The following POU2F1 variants were observed in gnomAD, a reference collection of about 807,000 sequenced individuals.
POU2F1 encodes the protein POU class 2 homeobox 1.
Under a neutral mutation model 84.9 loss-of-function variants are expected in POU2F1, and 16 were observed. The observed-to-expected ratio is 0.19, with a 90% confidence interval of 0.13 to 0.29. POU2F1 has a LOEUF of 0.29. Among genes scored for constraint, POU2F1 ranks in the 10% least tolerant of loss-of-function variants. The pLI is 1.00. For synonymous variants in POU2F1, 368 were observed against 368.3 expected (o/e 1.00, Z 0.01); for missense variants, 738 against 942.6 (o/e 0.78, Z 2.84).
At chr1:167,345,600 G>A (rs984808959) in intron 2 of POU2F1, among the ~76,000 whole-genome samples, 6 of 152,276 alleles carry the variant, frequency 3.9e-5, no homozygotes, top group Non-Finnish European at 7.4e-5. Context: ...AGCTGCTACC[G>A]TTTAACTGGC....
intron 1 of POU2F1, among the ~76,000 whole-genome samples, chr1:167,278,890 G>A (rs1187125876): frequency 6.6e-6 from 1 of 151,736 alleles, no homozygotes; most frequent in African/African-American, 2.4e-5. Flanking sequence ...GTACATATTT[G>A]TGTCTTTGAG....
In POU2F1 at chr1:167,421,944, T is replaced by A. The variant is rs1366609312; in HGVS notation, c.*6134T>A. 3.3e-5 allele frequency: 5 copies of A among 152,192 alleles called. No homozygotes were observed. Among genetic ancestry groups the A allele is most frequent in the African/African-American group, 1.2e-4 (5 of 41,454 alleles). The allele number at this position is 152,192 out of a possible 1,614,324, so 9.4% of individuals were successfully genotyped here. On this transcript the variant is annotated 3_prime_UTR_variant, in exon 16 of 16. Coordinates refer to ENST00000367866, the MANE Select transcript of POU2F1 (RefSeq NM_002697.4). ...GGGGAAGAGGAGATGTTGATTATGT[T>A]AGAAGGAAAACATTGCTCGTGTGTG...
At chr1:167,236,699 C>G (rs973880078) in intron 1 of POU2F1, among the ~76,000 whole-genome samples, 1 of 152,156 alleles carries the variant, frequency 6.6e-6, no homozygotes, top group African/African-American at 2.4e-5. Context: ...TTGCATCCCA[C>G]TATTAGCTGT....
chr1:167,350,143 G>A (rs910732507), intron 2 of POU2F1, among the ~76,000 whole-genome samples: 1 of 152,156 alleles, frequency 6.6e-6, no homozygotes, highest in African/African-American at 2.4e-5. Context: ...ATAAGCCAAT[G>A]ATACTAAGTA....
intron 1 of POU2F1, among the ~76,000 whole-genome samples, chr1:167,226,952 CTT>C (rs1048934481): frequency 5.9e-5 from 9 of 152,124 alleles, no homozygotes; most frequent in African/African-American, 2.2e-4. Context: ...TTTATTTTCT[CTT>C]ATTTTTAATT....
chr1:167,306,011 C>T (rs1471932521), intron 1 of POU2F1, among the ~76,000 whole-genome samples: 1 of 152,124 alleles, frequency 6.6e-6, no homozygotes. Context: ...AGAAGAAAAG[C>T]GTTGTGCATG....
chr1:167,344,254 C>T (rs1658049119), intron 2 of POU2F1, among the ~76,000 whole-genome samples: 1 of 152,052 alleles, frequency 6.6e-6, no homozygotes, highest in African/African-American at 2.4e-5. Context: ...GAAATAACAA[C>T]CATGGAGATC....
intron 2 of POU2F1, among the ~76,000 whole-genome samples, chr1:167,357,828 A>G (rs752120015): frequency 3.1e-4 from 41 of 132,478 alleles, no homozygotes; most frequent in Non-Finnish European, 6.0e-4. Flanking sequence ...TTTTTGAGAC[A>G]GAGTCTCACT....
intron 1 of POU2F1, among the ~76,000 whole-genome samples, chr1:167,243,033 A>G (rs1036737674): frequency 6.6e-6 from 1 of 151,902 alleles, no homozygotes; most frequent in African/African-American, 2.4e-5. Flanking sequence ...ATTTTCAGCA[A>G]GTGTCTACTA....
At chr1:167,268,569 ATTG>A (rs1484196508) in intron 1 of POU2F1, among the ~76,000 whole-genome samples, 2 of 152,132 alleles carry the variant, frequency 1.3e-5, no homozygotes, top group Admixed American at 6.5e-5. Flanking sequence ...CATGGTTTCT[ATTG>A]TTGTCCACAT....
rs1361280962 is a variant in POU2F1, at chr1:167,415,892, T to C, written c.*82T>C. On this transcript the variant is annotated 3_prime_UTR_variant, in exon 16 of 16. Transcript: ENST00000367866. ...CCAGCCAGGTTAATAAACTGAAAAA[T>C]GTGATTGGCTTCCTCTCGCCGTGTT... 7.0e-7 allele frequency: 1 copy of C among 1,427,032 alleles called. No homozygotes were observed. The highest frequency in any genetic ancestry group is 9.5e-7 in the Non-Finnish European group (1 of 1,054,030). 88.4% of individuals were successfully genotyped at this position (1,427,032 alleles called of 1,614,324 possible). A position where few individuals can be genotyped will look rare whatever the true frequency, so the allele number is the denominator to read the frequency against.
chr1:167,370,235 A>C (rs749978273), intron 4 of POU2F1, 21 bp downstream of exon 4: 1 of 1,569,706 alleles, frequency 6.4e-7, no homozygotes, highest in Non-Finnish European at 8.7e-7. Context: ...ACCTGGGATT[A>C]TGGGTCAATC....
At chr1:167,247,221 G>A (rs7555327) in intron 1 of POU2F1, among the ~76,000 whole-genome samples, 151,732 of 152,208 alleles carry the variant, frequency 1, 75,633 homozygotes, top group Middle Eastern at 1. Flanking sequence ...GACCATAGGC[G>A]TGTGCCACCA....
At chr1:167,319,996 A>G (rs1437840120) in intron 1 of POU2F1, among the ~76,000 whole-genome samples, 3 of 152,246 alleles carry the variant, frequency 2.0e-5, no homozygotes, top group Non-Finnish European at 4.4e-5. Context: ...ATATTGCAGT[A>G]GCAACTAGGC....
chr1:167,283,239 G>A (rs529687352), intron 1 of POU2F1, among the ~76,000 whole-genome samples: 6 of 151,834 alleles, frequency 4.0e-5, no homozygotes, highest in Non-Finnish European at 7.4e-5. Context: ...TCCAAATTAC[G>A]GCCTGTTTTG....
At position 167,319,452 on chromosome 1, in the gene POU2F1, C is replaced by T. The variant is rs543496232; in HGVS notation, c.62-13018C>T. 4.6e-5 allele frequency among the ~76,000 whole-genome samples: 7 copies of T among 152,074 alleles called. No homozygotes were observed. In the South Asian group the frequency reaches 6.2e-4, roughly 14 times the overall value. On this transcript the variant is annotated intron_variant, in intron 1 of 15. Coordinates refer to ENST00000367866, the MANE Select transcript of POU2F1 (RefSeq NM_002697.4). ...AGATTCAGTTGCATATGTGGTGTCC[C>T]GTAGTTCCTGTTTCCCCCCTTTTGC...
chr1:167,311,144 A>G (rs1190542263), intron 1 of POU2F1, among the ~76,000 whole-genome samples: 1 of 152,196 alleles, frequency 6.6e-6, no homozygotes, highest in Non-Finnish European at 1.5e-5. Context: ...AGCAAATTTC[A>G]AACAGAAAAA....
chr1:167,390,707 T>G (rs532004159), intron 9 of POU2F1, among the ~76,000 whole-genome samples: 1 of 152,282 alleles, frequency 6.6e-6, no homozygotes, highest in South Asian at 2.1e-4. Flanking sequence ...GGAGGATTGC[T>G]TGAGCCCGGG....
chr1:167,304,039 C>G (rs1158629564), intron 1 of POU2F1, among the ~76,000 whole-genome samples: 1 of 152,110 alleles, frequency 6.6e-6, no homozygotes, highest in Non-Finnish European at 1.5e-5. Context: ...AAAGAAGTAA[C>G]TTGCGAAAGA....
Sources: gnomAD v4.1 joint callset for allele counts (sites outside exome capture counted in the v4.1 genomes callset) on GRCh38, gnomAD v4.1.1 for gene constraint, MANE v1.5 for transcripts, NCBI Gene and HGNC (gene_info 2026-07-23, HGNC 2026-07-21) for gene names.